The following CEP57 variants were observed in gnomAD, a reference collection of about 807,000 sequenced individuals.
CEP57 encodes the protein centrosomal protein of 57 kDa.
In CEP57, 40 loss-of-function variants were observed where a neutral mutation model predicts 68.0. That is an observed-to-expected ratio of 0.59 (90% CI 0.46 to 0.77). The LOEUF (loss-of-function observed/expected upper bound fraction) is 0.77. Ranked by LOEUF, CEP57 falls within the 30% of genes least tolerant of loss-of-function variation. The probability of loss-of-function intolerance (pLI) is 0.00; values close to 1 mark genes in which losing one functional copy is unlikely to be tolerated. For missense variants in CEP57, 606 were observed against 580.7 expected (o/e 1.04, Z -0.45); for synonymous variants, 219 against 198.7 (o/e 1.10, Z -0.86).
intron 1 of CEP57, 22 bp from the exon 2 acceptor site, chr11:95,799,210 A>G (rs1477503348): frequency 1.2e-6 from 2 of 1,613,514 alleles, no homozygotes; most frequent in Admixed American, 1.7e-5. Flanking sequence ...TTTGAAAGGT[A>G]ATTTGTGTCT....
rs893456103 is a variant in CEP57 at position 95,831,318 on chromosome 11, A to G, written c.*62A>G. On this transcript the variant is annotated 3_prime_UTR_variant, in exon 11 of 11. Transcript: ENST00000325542. ...GTACCTCATCAATCAGATGATGACA[A>G]TTTACTTCCCAGGTCTCATACTCAC... is the stretch of plus-strand genomic sequence containing the variant. 2.7e-5 allele frequency: 32 copies of G among 1,190,266 alleles called. No individual in the cohort carries two copies. The highest frequency in any genetic ancestry group is 3.7e-5 in the Non-Finnish European group (30 of 806,886). 73.7% of individuals were successfully genotyped at this position (1,190,266 alleles called of 1,614,324 possible).
chr11:95,830,106 T>A (rs1054040519), intron 10 of CEP57, among the ~76,000 whole-genome samples: 9 of 152,318 alleles, frequency 5.9e-5, no homozygotes, highest in Admixed American at 2.0e-4. Flanking sequence ...AGACACACAG[T>A]GCCAAGTGCT....
intron 5 of CEP57, 90 bp from the exon 6 acceptor site, chr11:95,818,736 TA>T: frequency 1.0e-6 from 1 of 992,690 alleles, no homozygotes; most frequent in African/African-American, 1.6e-5. Flanking sequence ...TTGAGTAGGA[TA>T]AAATTTACAT....
chr11:95,817,665 A>C, intron 4 of CEP57, 122 bp from the exon 5 acceptor site: 1 of 728,730 alleles, frequency 1.4e-6, no homozygotes, highest in East Asian at 2.6e-5. Context: ...GTTTCATCTT[A>C]ATGTTATTTT....
chr11:95,800,500 A>G lies in CEP57; in HGVS notation c.202+1112A>G, dbSNP rs150117383. 2.2e-4 allele frequency among the ~76,000 whole-genome samples: 34 copies of G among 151,522 alleles called. No individual in the cohort carries two copies. In the East Asian group the frequency reaches 5.5e-3, roughly 24 times the overall value. On this transcript the variant is annotated intron_variant, in intron 2 of 10. Transcript: ENST00000325542. The stretch of plus-strand genomic sequence containing the variant: ...AACCTCCGCCTCCTGGATTCAAGCT[A>G]TTGCTATTCTCTTGCCTCAGCCTCC...
intron 3 of CEP57, 143 bp downstream of exon 3, chr11:95,813,254 A>G: frequency 2.0e-6 from 2 of 1,019,200 alleles, no homozygotes; most frequent in Non-Finnish European, 2.9e-6. Context: ...CATTTTGAGG[A>G]GCAAATGCTG....
chr11:95,831,260 A>C lies in CEP57; in HGVS notation c.*4A>C. On this transcript the variant is annotated 3_prime_UTR_variant, in exon 11 of 11. Transcript: ENST00000325542. ...TAGTTTGTGTTGGGATTACTGACTCATAACCAGGTCAGAAATTTTATTCAG... is the reference window on the plus strand; with the variant it reads ...TAGTTTGTGTTGGGATTACTGACTCCTAACCAGGTCAGAAATTTTATTCAG... 12 of 1,595,300 alleles carry C rather than the reference A, an allele frequency of 7.5e-6. No homozygotes were observed. Among genetic ancestry groups the C allele is most frequent in the Non-Finnish European group, 1.0e-5 (12 of 1,163,348 alleles).
At chr11:95,795,219 GAATGTTA>G (rs1313681018) in intron 1 of CEP57, among the ~76,000 whole-genome samples, 1 of 152,110 alleles carries the variant, frequency 6.6e-6, no homozygotes, top group Non-Finnish European at 1.5e-5. Context: ...CCTTCTGTCT[GAATGTTA>G]TGTTACTCCA....
intron 4 of CEP57, among the ~76,000 whole-genome samples, chr11:95,817,371 T>TAAA (rs1044892444): frequency 6.6e-6 from 1 of 151,520 alleles, no homozygotes; most frequent in Non-Finnish European, 1.5e-5. Context: ...ATCTCAAAAA[T>TAAA]AAAAAAAGTA....
rs533630708 is a variant in CEP57 at position 95,790,683 on chromosome 11, C to T, written c.-16C>T. 1 of 1,613,616 alleles carries T rather than the reference C, an allele frequency of 6.2e-7. No individual in the cohort carries two copies. The highest frequency in any genetic ancestry group is 1.3e-5 in the African/African-American group (1 of 75,078). On this transcript the variant is annotated 5_prime_UTR_variant, in exon 1 of 11. Coordinates refer to ENST00000325542, the MANE Select transcript of CEP57 (RefSeq NM_014679.5). ...ACCGCCCCCGAAGTGCGGAGACCCC[C>T]TGGGCAGGCTGAAAGATGGCGGCGG...
At chr11:95,800,895 T>C (rs1469309002) in intron 2 of CEP57, among the ~76,000 whole-genome samples, 1 of 152,262 alleles carries the variant, frequency 6.6e-6, no homozygotes, top group Non-Finnish European at 1.5e-5. Context: ...GTGTGAAGTT[T>C]AAATGAAATA....
rs1446686799 is a variant in CEP57, at chr11:95,832,508, T to C, written c.*1252T>C. Reference sequence around the variant, plus strand: ...TAAACTTGTGCTTCTGTGTCCAGTTTTCTAATGAGTAGGTTCGTAGCTTGA... The same window carrying C: ...TAAACTTGTGCTTCTGTGTCCAGTTCTCTAATGAGTAGGTTCGTAGCTTGA... On this transcript the variant is annotated 3_prime_UTR_variant, in exon 11 of 11. Coordinates refer to ENST00000325542, the MANE Select transcript of CEP57 (RefSeq NM_014679.5). The C allele has an allele frequency of 6.6e-6, 1 of 152,186 alleles. No homozygotes were observed. The highest frequency in any genetic ancestry group is 1.9e-4 in the East Asian group (1 of 5,202). The allele number at this position is 152,186 out of a possible 1,614,324, so 9.4% of individuals were successfully genotyped here.
chr11:95,813,620 A>G (rs368591125), intron 4 of CEP57, 31 bp downstream of exon 4: 1 of 1,610,028 alleles, frequency 6.2e-7, no homozygotes, highest in African/African-American at 1.3e-5. Flanking sequence ...ATTGATACTC[A>G]AGAACAGTTA....
chr11:95,807,416 T>C (rs748882594), intron 2 of CEP57, among the ~76,000 whole-genome samples: 2 of 151,946 alleles, frequency 1.3e-5, no homozygotes, highest in Non-Finnish European at 2.9e-5. Flanking sequence ...ATAACAAACT[T>C]CTCTGAGCTA....
rs1860976243 is a variant in CEP57, at chr11:95,790,578, C to T, written c.-121C>T. The T allele has an allele frequency of 2.5e-6, 3 of 1,217,266 alleles. No individual in the cohort carries two copies. The highest frequency in any genetic ancestry group is 2.4e-6 in the Non-Finnish European group (2 of 845,866). The allele number at this position is 1,217,266 out of a possible 1,614,324, so 75.4% of individuals were successfully genotyped here. A position where few individuals can be genotyped will look rare whatever the true frequency, so the allele number is the denominator to read the frequency against. On this transcript the variant is annotated 5_prime_UTR_variant, in exon 1 of 11. Coordinates refer to ENST00000325542, the MANE Select transcript of CEP57 (RefSeq NM_014679.5). ...TCCAAGCCCAGCACCAGCACCCTTG[C>T]CCTTTTCCATCAGGGGTTCAGCCTA... is the stretch of plus-strand genomic sequence containing the variant.
intron 1 of CEP57, among the ~76,000 whole-genome samples, chr11:95,797,931 T>A (rs560999272): frequency 6.6e-6 from 1 of 152,340 alleles, no homozygotes; most frequent in African/African-American, 2.4e-5. Context: ...AGGTTCTCTG[T>A]GACATTTAAA....
chr11:95,801,653 T>A (rs1861585831), intron 2 of CEP57, among the ~76,000 whole-genome samples: 1 of 151,980 alleles, frequency 6.6e-6, no homozygotes. Context: ...AGGAAACTTT[T>A]AAAAAGTTCA....
chr11:95,818,114 A>G, intron 5 of CEP57: 2 of 519,060 alleles, frequency 3.9e-6, no homozygotes, highest in Non-Finnish European at 6.9e-6. Flanking sequence ...TGTTTGTTAA[A>G]AAATTAAATG....
At chr11:95,813,826 T>C (rs1022347148) in intron 4 of CEP57, among the ~76,000 whole-genome samples, 10 of 152,362 alleles carry the variant, frequency 6.6e-5, no homozygotes, top group Admixed American at 3.9e-4. Flanking sequence ...TTGAAAGTTA[T>C]GTTAGCTTCT....
Sources: allele counts gnomAD v4.1 joint callset (sites outside exome capture counted in the v4.1 genomes callset), GRCh38; gene constraint gnomAD v4.1.1; transcripts MANE v1.5; gene names NCBI Gene and HGNC (gene_info 2026-07-23, HGNC 2026-07-21).